The following ELAPOR2 variants were observed in gnomAD, a reference collection of about 807,000 sequenced individuals.
ELAPOR2 encodes endosome-lysosome associated apoptosis and autophagy regulator family member 2.
In ELAPOR2, 89 loss-of-function variants were observed where a neutral mutation model predicts 120.7. The ratio of observed to expected loss-of-function variants is 0.74; its 90% CI spans 0.62 to 0.88. The LOEUF (loss-of-function observed/expected upper bound fraction) is 0.88. Ranked by LOEUF, ELAPOR2 falls within the 40% of genes least tolerant of loss-of-function variation. ELAPOR2 has a pLI of 0.00. For missense variants in ELAPOR2, 1,134 were observed against 1,251.6 expected (o/e 0.91, Z 1.42); for synonymous variants, 444 against 444.9 (o/e 1.00, Z 0.03).
At chr7:86,925,931 C>T (rs945134115) in intron 9 of ELAPOR2, among the ~76,000 whole-genome samples, 2 of 151,970 alleles carry the variant, frequency 1.3e-5, no homozygotes, top group South Asian at 2.1e-4. Context: ...TTTTCCTTCA[C>T]ATCTGGGAGT....
intron 1 of ELAPOR2, among the ~76,000 whole-genome samples, chr7:87,005,498 A>G (rs935143395): frequency 2.6e-5 from 4 of 152,178 alleles, no homozygotes; most frequent in African/African-American, 7.2e-5. Context: ...TCAGAACACA[A>G]CAGGATTTCC....
At chr7:87,016,473 T>C (rs2116684139) in intron 1 of ELAPOR2, among the ~76,000 whole-genome samples, 1 of 151,944 alleles carries the variant, frequency 6.6e-6, no homozygotes, top group Non-Finnish European at 1.5e-5. Context: ...TCCAGTGCTC[T>C]TAATTAAAGC....
chr7:86,906,503 T>A (rs976337198), intron 18 of ELAPOR2, among the ~76,000 whole-genome samples: 1 of 152,152 alleles, frequency 6.6e-6, no homozygotes, highest in African/African-American at 2.4e-5. Flanking sequence ...CCTGTAACTA[T>A]TTTTAGGATA....
chr7:86,994,504 T>C (rs1793059025), intron 1 of ELAPOR2, among the ~76,000 whole-genome samples: 1 of 152,204 alleles, frequency 6.6e-6, no homozygotes, highest in Admixed American at 6.5e-5. Flanking sequence ...ATATACTTTT[T>C]AAAAACTGAG....
intron 21 of ELAPOR2, among the ~76,000 whole-genome samples, chr7:86,881,592 G>A (rs1335989640): frequency 6.6e-6 from 1 of 151,958 alleles, no homozygotes; most frequent in Non-Finnish European, 1.5e-5. Flanking sequence ...TCCTGTCCTC[G>A]TGATCCGCCC....
intron 1 of ELAPOR2, among the ~76,000 whole-genome samples, chr7:87,045,373 G>A (rs1208436112): frequency 8.7e-5 from 13 of 150,110 alleles, no homozygotes; most frequent in Non-Finnish European, 1.8e-4. Flanking sequence ...GCCCAACAAT[G>A]ATAGACTGGA....
At chr7:86,970,924 A>G (rs906210591) in intron 1 of ELAPOR2, among the ~76,000 whole-genome samples, 15 of 152,216 alleles carry the variant, frequency 9.9e-5, no homozygotes, top group African/African-American at 3.6e-4. Context: ...TTTTGAAATT[A>G]TTTATGTTTA....
intron 1 of ELAPOR2, among the ~76,000 whole-genome samples, chr7:87,016,460 A>T (rs1793870064): frequency 6.6e-6 from 1 of 151,854 alleles, no homozygotes; most frequent in African/African-American, 2.4e-5. Context: ...TTAACAGTCC[A>T]TTTCCAGTGC....
At chr7:86,914,237 A>G (rs1474934708) in intron 13 of ELAPOR2, among the ~76,000 whole-genome samples, 2 of 152,208 alleles carry the variant, frequency 1.3e-5, no homozygotes, top group African/African-American at 2.4e-5. Context: ...GGGAAAATAA[A>G]AGAAAGGAAA....
intron 1 of ELAPOR2, among the ~76,000 whole-genome samples, chr7:87,000,091 T>C (rs1161199389): frequency 6.6e-6 from 1 of 152,126 alleles, no homozygotes; most frequent in East Asian, 1.9e-4. Flanking sequence ...AAGTTAAATG[T>C]GACATTTGAT....
intron 1 of ELAPOR2, among the ~76,000 whole-genome samples, chr7:87,038,603 T>A (rs1483767000): frequency 6.6e-6 from 1 of 152,088 alleles, no homozygotes; most frequent in African/African-American, 2.4e-5. Flanking sequence ...CTGGCCACAG[T>A]GGAATAAAAC....
At chr7:87,023,282 T>C (rs1046069899) in intron 1 of ELAPOR2, among the ~76,000 whole-genome samples, 3 of 152,232 alleles carry the variant, frequency 2.0e-5, no homozygotes, top group Non-Finnish European at 4.4e-5. Context: ...TTTCTACATA[T>C]GGCTAGCCAG....
chr7:87,001,093 C>T (rs1404212782), intron 1 of ELAPOR2, among the ~76,000 whole-genome samples: 2 of 152,196 alleles, frequency 1.3e-5, no homozygotes, highest in South Asian at 4.1e-4. Context: ...ATAAAGGAAA[C>T]CTTGGTCCAC....
At chr7:86,969,778 C>T (rs1188958823) in intron 1 of ELAPOR2, among the ~76,000 whole-genome samples, 2 of 152,114 alleles carry the variant, frequency 1.3e-5, no homozygotes, top group South Asian at 2.1e-4. Flanking sequence ...ATGTTAGAAT[C>T]GCATTCAGTA....
intron 19 of ELAPOR2, 27 bp downstream of exon 19, chr7:86,897,479 G>T (rs769678851): frequency 9.3e-6 from 15 of 1,605,478 alleles, no homozygotes; most frequent in Non-Finnish European, 1.3e-5. Context: ...TAATGCCGAA[G>T]CTCTGCCTTG....
chr7:87,004,590 T>G (rs1036754225), intron 1 of ELAPOR2, among the ~76,000 whole-genome samples: 2 of 152,168 alleles, frequency 1.3e-5, no homozygotes, highest in Non-Finnish European at 2.9e-5. Context: ...TGCCCTGTCA[T>G]CTGCCATTAT....
intron 1 of ELAPOR2, among the ~76,000 whole-genome samples, chr7:87,041,711 C>G (rs575273860): frequency 2.6e-5 from 4 of 151,462 alleles, no homozygotes; most frequent in Non-Finnish European, 4.4e-5. Flanking sequence ...AACTAACGAG[C>G]AAAATAACCA....
rs1396583925 is a variant in ELAPOR2, at chr7:86,877,918, C to T, written c.*2553G>A. On this transcript the variant is annotated 3_prime_UTR_variant, in exon 22 of 22. Coordinates refer to ENST00000450689, the MANE Select transcript of ELAPOR2 (RefSeq NM_001142749.3). ...TTCAGGTTTTTTAATTCAGTGAACA[C>T]ATATCAAAATGCTCAATGTTGTTAA... 6.6e-6 allele frequency: 1 copy of T among 152,068 alleles called. No individual in the cohort carries two copies. The highest frequency in any genetic ancestry group is 2.4e-5 in the African/African-American group (1 of 41,416). The allele number at this position is 152,068 out of a possible 1,614,324, so 9.4% of individuals were successfully genotyped here. A position where few individuals can be genotyped will look rare whatever the true frequency, so the allele number is the denominator to read the frequency against.
At position 87,047,488 on chromosome 7, in the gene ELAPOR2, A is replaced by T. The variant is rs571368054; in HGVS notation, c.189+11837T>A. 2.6e-5 allele frequency among the ~76,000 whole-genome samples: 4 copies of T among 152,348 alleles called. No individual in the cohort carries two copies. In the South Asian group the frequency reaches 8.3e-4, roughly 32 times the overall value. ...GCTCAAACAACTCTGTAGGAAAAAA[A>T]TCTAATAATCTAGTCAAAAAATGGG... On this transcript the variant is annotated intron_variant, in intron 1 of 21. Transcript: ENST00000450689.
Sources: gnomAD v4.1 joint callset for allele counts (sites outside exome capture counted in the v4.1 genomes callset) on GRCh38, gnomAD v4.1.1 for gene constraint, MANE v1.5 for transcripts, NCBI Gene and HGNC (gene_info 2026-07-23, HGNC 2026-07-21) for gene names.